Variants in FGFR1OP2 observed in about 807,000 individuals in gnomAD.
FGFR1OP2 encodes fibroblast growth factor receptor 1 oncogene partner 2.
A neutral mutation model predicts 35.2 loss-of-function variants in FGFR1OP2; 17 were observed. That is an observed-to-expected ratio of 0.48 (90% confidence interval 0.33 to 0.73). FGFR1OP2 has a LOEUF of 0.73. FGFR1OP2 is among the 30% of genes least tolerant of loss of function. FGFR1OP2 has a pLI of 0.02. For missense variants in FGFR1OP2, 251 were observed against 307.3 expected, an observed-to-expected ratio of 0.82 and a Z score of 1.37; for synonymous variants, 105 against 104.6, an observed-to-expected ratio of 1.00 and a Z score of -0.03.
chr12:26,960,594 G>A lies in FGFR1OP2; in HGVS notation c.476G>A (p.Gly159Glu), dbSNP rs765743196. 3.1e-6 allele frequency: 5 copies of A among 1,613,262 alleles called. No homozygotes were observed. The Admixed American group carries it at 8.3e-5, about 27-fold the overall frequency. Residue 159 changes from glycine to glutamate, a missense_variant, in exon 5 of 7, where the codon GGA becomes GAA. Gly to Glu is a moderately conservative substitution (Grantham distance 98). Coordinates refer to ENST00000229395, the MANE Select transcript of FGFR1OP2 (RefSeq NM_015633.3). ...SRHILEAPQH[G>E]LERRHLEANQ... is the part of the protein sequence containing the mutation. ...CACATCCTTGAAGCACCTCAACATG[G>A]ACTGGAGAGAAGGCACTTGGAAGCA... is the stretch of plus-strand genomic sequence containing the variant.
At chr12:26,961,585 A>G (rs1397712797) in intron 5 of FGFR1OP2, 1 of 152,206 alleles carries the variant, frequency 6.6e-6, no homozygotes, top group African/African-American at 2.4e-5. Context: ...AAAAATACAA[A>G]AAGTTAGCCA....
intron 3 of FGFR1OP2, among the ~76,000 whole-genome samples, 191 bp downstream of exon 3, chr12:26,956,851 C>T (rs1420730979): frequency 6.6e-6 from 1 of 152,090 alleles, no homozygotes; most frequent in Non-Finnish European, 1.5e-5. Context: ...TCTGCAGTCC[C>T]ACTGCATTGG....
At position 26,966,224 on chromosome 12, in the gene FGFR1OP2, A is replaced by G. The variant is rs1397816668; in HGVS notation, c.*1491A>G. On this transcript the variant is annotated 3_prime_UTR_variant, in exon 7 of 7. Transcript: ENST00000229395. ...TTTTTTCAGTCAGAGGCCTTATTTG[A>G]TATTTTATAAATAAATGACAGTTTT... The G allele has an allele frequency of 6.6e-6, 1 of 152,066 alleles. No homozygotes were observed. The highest frequency in any genetic ancestry group is 1.5e-5 in the Non-Finnish European group (1 of 67,974). The allele number at this position is 152,066 out of a possible 1,614,324, so 9.4% of individuals were successfully genotyped here.
intron 4 of FGFR1OP2, 123 bp downstream of exon 4, chr12:26,957,866 G>T: frequency 1.4e-6 from 1 of 703,946 alleles, no homozygotes; most frequent in Non-Finnish European, 2.1e-6. Context: ...GATGTTGAAT[G>T]TTTCATCTTT....
chr12:26,965,612 C>A lies in FGFR1OP2; in HGVS notation c.*879C>A, dbSNP rs770391690. On this transcript the variant is annotated 3_prime_UTR_variant, in exon 7 of 7. Transcript: ENST00000229395. ...TAATTTCAAAGTGAATTGGGAATTC[C>A]TCTGGCTCATAGAACCCTTTTTTTT... 6.6e-6 allele frequency: 1 copy of A among 150,442 alleles called. No homozygotes were observed. The highest frequency in any genetic ancestry group is 1.5e-5 in the Non-Finnish European group (1 of 67,612). 9.3% of individuals were successfully genotyped at this position (150,442 alleles called of 1,614,324 possible).
At chr12:26,952,109 A>ATTTTTTGT (rs1938939864) in intron 1 of FGFR1OP2, among the ~76,000 whole-genome samples, 1 of 80,506 alleles carries the variant, frequency 1.2e-5, no homozygotes, top group Non-Finnish European at 2.7e-5. Flanking sequence ...TTTTTTTTTA[A>ATTTTTTGT]TTTTGCTTTA....
At chr12:26,956,479 C>CATAT (rs5797206) in intron 2 of FGFR1OP2, 64 bp from the exon 3 acceptor site, 15,273 of 241,008 alleles carry the variant, frequency 0.063, 431 homozygotes, top group East Asian at 0.16. Context: ...ATTTATATAT[C>CATAT]ATATATATAT....
At chr12:26,955,525 A>G (rs190311487) in intron 2 of FGFR1OP2, among the ~76,000 whole-genome samples, 39 of 152,214 alleles carry the variant, frequency 2.6e-4, no homozygotes, top group Admixed American at 2.6e-4. Flanking sequence ...TAATATTTCT[A>G]TCTCTTTGAA....
chr12:26,952,869 C>T (rs539319027), intron 1 of FGFR1OP2, among the ~76,000 whole-genome samples: 13 of 152,210 alleles, frequency 8.5e-5, no homozygotes, highest in Admixed American at 3.3e-4. Flanking sequence ...CTTCTGTAGA[C>T]GTGGCTTCTG....
chr12:26,953,643 G>C (rs1052606456), intron 1 of FGFR1OP2: 5 of 152,168 alleles, frequency 3.3e-5, no homozygotes, highest in Non-Finnish European at 7.3e-5. Context: ...ATGACACATT[G>C]AGGCCACTTC....
chr12:26,943,186 A>G (rs1363498785), intron 1 of FGFR1OP2, among the ~76,000 whole-genome samples: 3 of 152,202 alleles, frequency 2.0e-5, no homozygotes, highest in East Asian at 3.8e-4. Flanking sequence ...TTCCAACACC[A>G]TTTGTTGAAA....
At chr12:26,947,986 C>T (rs554623861) in intron 1 of FGFR1OP2, among the ~76,000 whole-genome samples, 1 of 151,952 alleles carries the variant, frequency 6.6e-6, no homozygotes, top group Non-Finnish European at 1.5e-5. Context: ...TATCTCTGTG[C>T]AGTTATTTTA....
intron 1 of FGFR1OP2, among the ~76,000 whole-genome samples, chr12:26,940,364 T>C (rs1007584305): frequency 2.6e-5 from 4 of 152,260 alleles, no homozygotes; most frequent in South Asian, 4.1e-4. Context: ...TCAGAAAGTG[T>C]CTTTATACAG....
intron 1 of FGFR1OP2, among the ~76,000 whole-genome samples, chr12:26,943,821 C>G (rs1033341157): frequency 3.9e-5 from 6 of 152,086 alleles, no homozygotes; most frequent in Non-Finnish European, 8.8e-5. Context: ...GACTAAGACT[C>G]TGTCTCAAAA....
intron 1 of FGFR1OP2, among the ~76,000 whole-genome samples, chr12:26,952,542 T>A (rs900191029): frequency 2.6e-5 from 4 of 152,208 alleles, no homozygotes; most frequent in Non-Finnish European, 1.5e-5. Context: ...TCTGGAAATG[T>A]CTGATCATAT....
intron 4 of FGFR1OP2, among the ~76,000 whole-genome samples, chr12:26,959,190 A>AG (rs1939067370): frequency 6.6e-6 from 1 of 152,106 alleles, no homozygotes; most frequent in Non-Finnish European, 1.5e-5. Context: ...TAAATTAAAA[A>AG]TTTGTGTTTA....
At chr12:26,956,030 TAAAA>T (rs1555211891) in intron 2 of FGFR1OP2, among the ~76,000 whole-genome samples, 1 of 151,038 alleles carries the variant, frequency 6.6e-6, no homozygotes, top group African/African-American at 2.4e-5. Flanking sequence ...TTTTTTTTTT[TAAAA>T]AAAAGCTCAT....
chr12:26,961,337 C>T (rs919164283), intron 5 of FGFR1OP2: 13 of 152,130 alleles, frequency 8.5e-5, no homozygotes, highest in African/African-American at 3.1e-4. Flanking sequence ...ATTACCATGA[C>T]CTTTTATAAA....
rs1405516521 is a variant in FGFR1OP2 at position 26,954,260 on chromosome 12, A to G, written c.102A>G (p.Thr34=). 2 of 1,610,374 alleles carry G rather than the reference A, an allele frequency of 1.2e-6. No homozygotes were observed. The highest frequency in any genetic ancestry group is 2.2e-5 in the East Asian group (1 of 44,794). ...DAAESLIEQT[T]ALNKRVEAMK... is the part of the protein sequence containing the mutation. ...CAGAATCTCTGATTGAGCAAACCAC[A>G]GCTCTCAACAAGCGAGTAGAAGCCA... The change falls in exon 2 of 7, where the codon ACA becomes ACG. Residue 34 remains threonine (T), a synonymous_variant. Coordinates refer to ENST00000229395, the MANE Select transcript of FGFR1OP2 (RefSeq NM_015633.3).
Sources: gnomAD v4.1 joint callset for allele counts (sites outside exome capture counted in the v4.1 genomes callset) on GRCh38, gnomAD v4.1.1 for gene constraint, MANE v1.5 for transcripts, NCBI Gene and HGNC (gene_info 2026-07-23, HGNC 2026-07-21) for gene names.